The following POLR3B variants were observed in gnomAD, a reference collection of about 807,000 sequenced individuals.
POLR3B encodes the protein RNA polymerase III subunit B, also known as DNA-directed RNA polymerase III subunit RPC2.
A neutral mutation model predicts 147.4 loss-of-function variants in POLR3B; 96 were observed. The observed-to-expected ratio is 0.65, with a 90% confidence interval of 0.55 to 0.77. The LOEUF is 0.77. POLR3B is among the 30% of genes least tolerant of loss of function. The probability of loss-of-function intolerance (pLI) is 0.00; values close to 1 mark genes in which losing one functional copy is unlikely to be tolerated. For missense variants in POLR3B, 1,036 were observed against 1,413.5 expected, an observed-to-expected ratio of 0.73 and a Z score of 4.28; for synonymous variants, 461 against 485.9, an observed-to-expected ratio of 0.95 and a Z score of 0.67.
chr12:106,399,179 C>A lies in POLR3B; in HGVS notation c.846+6026C>A, dbSNP rs534505105. Among the ~76,000 whole-genome samples the A allele has an allele frequency of 4.6e-5, 7 of 152,180 alleles. No homozygotes were observed. The South Asian group carries it at 1.5e-3, about 32-fold the overall frequency. ...AAACCAAGGCACGAGAACTATGTGACGAATGCAGAAGCCTCAGTAGCCGAT... is the reference window on the plus strand; with the variant it reads ...AAACCAAGGCACGAGAACTATGTGAAGAATGCAGAAGCCTCAGTAGCCGAT... On this transcript the variant is annotated intron_variant, in intron 10 of 27. Coordinates refer to ENST00000228347, the MANE Select transcript of POLR3B (RefSeq NM_018082.6).
intron 25 of POLR3B, among the ~76,000 whole-genome samples, chr12:106,498,694 T>C (rs2038542536): frequency 6.6e-6 from 1 of 152,118 alleles, no homozygotes. Flanking sequence ...CAAGCAATTC[T>C]CCTGCCTCAG....
In POLR3B at chr12:106,402,654, A is replaced by G. The variant is rs1228074137; in HGVS notation, c.847-3203A>G. On this transcript the variant is annotated intron_variant, in intron 10 of 27. Transcript: ENST00000228347. ...GAACAGAGCCCTCAGAAATAATGCC[A>G]CATATCTACAACTATCTGATCTTTG... Among the ~76,000 whole-genome samples, 18 of 152,274 alleles carry G rather than the reference A, an allele frequency of 1.2e-4. No homozygotes were observed. In the East Asian group the frequency reaches 3.5e-3, roughly 29 times the overall value.
chr12:106,461,253 TC>T (rs2037930342), intron 22 of POLR3B, among the ~76,000 whole-genome samples: 1 of 151,782 alleles, frequency 6.6e-6, no homozygotes, highest in Admixed American at 6.6e-5. Flanking sequence ...ACCACCACAC[TC>T]AGCTAATTTT....
chr12:106,365,858 C>CA (rs35577793), intron 2 of POLR3B, among the ~76,000 whole-genome samples: 191 of 127,774 alleles, frequency 1.5e-3, no homozygotes, highest in Middle Eastern at 4.2e-3. Context: ...GACTCTGTCT[C>CA]AAAAAAAAAA....
intron 23 of POLR3B, among the ~76,000 whole-genome samples, chr12:106,471,901 G>A (rs1463769128): frequency 6.7e-6 from 1 of 150,174 alleles, no homozygotes; most frequent in Non-Finnish European, 1.5e-5. Context: ...TAGGGTACAT[G>A]TGCACATTGT....
At chr12:106,426,839 T>TCCCCCCCCC (rs67180409) in intron 12 of POLR3B, among the ~76,000 whole-genome samples, 8 of 25,318 alleles carry the variant, frequency 3.2e-4, no homozygotes, top group Non-Finnish European at 5.7e-4. Flanking sequence ...TTCTCCACCG[T>TCCCCCCCCC]CCCCCCCCCC....
intron 18 of POLR3B, among the ~76,000 whole-genome samples, chr12:106,440,090 A>G (rs765882863): frequency 2.0e-5 from 3 of 152,150 alleles, no homozygotes; most frequent in Non-Finnish European, 2.9e-5. Flanking sequence ...ATGTATCCTG[A>G]GTATAAAAGA....
intron 24 of POLR3B, 28 bp from the exon 25 acceptor site, chr12:106,496,724 G>C (rs376600823): frequency 6.2e-7 from 1 of 1,609,958 alleles, no homozygotes; most frequent in African/African-American, 1.3e-5. Flanking sequence ...ACAGGGAGGT[G>C]CTCACTTAAT....
At chr12:106,359,852 T>C (rs1403976550) in intron 1 of POLR3B, among the ~76,000 whole-genome samples, 4 of 152,210 alleles carry the variant, frequency 2.6e-5, no homozygotes, top group Non-Finnish European at 5.9e-5. Flanking sequence ...TTTGGACTCT[T>C]GTCAGTCTGA....
intron 18 of POLR3B, among the ~76,000 whole-genome samples, chr12:106,439,518 G>A (rs1044043875): frequency 2.0e-5 from 3 of 151,528 alleles, no homozygotes; most frequent in African/African-American, 4.8e-5. Flanking sequence ...GGTGATGTAC[G>A]CCTGTAGTCC....
intron 26 of POLR3B, among the ~76,000 whole-genome samples, chr12:106,502,934 T>C (rs2038625279): frequency 6.6e-6 from 1 of 152,204 alleles, no homozygotes; most frequent in South Asian, 2.1e-4. Context: ...AGTTATTACT[T>C]TGGTAACTTT....
intron 9 of POLR3B, among the ~76,000 whole-genome samples, chr12:106,384,298 C>G (rs1472680008): frequency 1.3e-5 from 2 of 152,166 alleles, no homozygotes; most frequent in Admixed American, 1.3e-4. Flanking sequence ...ATTCAGTGAA[C>G]AGTTAAATTG....
In POLR3B at chr12:106,393,126, G is replaced by C. The variant is rs747019905; in HGVS notation, c.819G>C (p.Gln273His). The change falls in exon 10 of 28, where the codon CAG becomes CAC. Residue 273 changes from glutamine (Q) to histidine (H), a missense_variant. Physicochemically the swap from Gln to His is conservative, Grantham distance 24 (BLOSUM62 0). Transcript: ENST00000228347. Reference sequence around the variant, plus strand: ...TTGGGCCCAGTCTGGAAGAGTGCCAGAAAGCTCAGATTTTCACACAGATGC... The same window carrying C: ...TTGGGCCCAGTCTGGAAGAGTGCCACAAAGCTCAGATTTTCACACAGATGC... ...AAFGPSLEEC[Q>H]KAQIFTQMQA... The C allele has an allele frequency of 6.2e-7, 1 of 1,614,218 alleles. No individual in the cohort carries two copies. The highest frequency in any genetic ancestry group is 8.5e-7 in the Non-Finnish European group (1 of 1,180,032).
chr12:106,462,536 G>A (rs745709993), intron 22 of POLR3B, among the ~76,000 whole-genome samples: 2 of 152,126 alleles, frequency 1.3e-5, no homozygotes, highest in African/African-American at 4.8e-5. Context: ...CACCGTGCCC[G>A]GCTGGGTGAT....
Position 106,433,870 on chromosome 12 carries a change from C to T in POLR3B, c.1779C>T (p.Cys593=). 6.2e-7 allele frequency: 1 copy of T among 1,612,242 alleles called. No individual in the cohort carries two copies. Among genetic ancestry groups the T allele is most frequent in the Non-Finnish European group, 8.5e-7 (1 of 1,178,490 alleles). The change falls in exon 16 of 28, where the codon TGC becomes TGT. Residue 593 remains cysteine, a splice_region_variant and synonymous_variant. Transcript: ENST00000228347. ...VYISSDGGRL[C]RPYIIVKKQK... is the part of the protein sequence containing the mutation. ...TTTCTTCTGATGGGGGAAGGCTATG[C>T]AGGTATATATGCAGGTTACTAAAAA...
At position 106,357,960 on chromosome 12, in the gene POLR3B, C is replaced by CA. The variant is rs1565870151; in HGVS notation, c.72+10dup. The CA allele has an allele frequency of 6.2e-7, 1 of 1,611,954 alleles. No homozygotes were observed. Among genetic ancestry groups the CA allele is most frequent in the South Asian group, 1.1e-5 (1 of 90,960 alleles). ...CGATCCCGACTGTAGAGGTCAGTGC[C>CA]AGGCACGCAGGGAGCGTCAGGGACA... On this transcript the variant is annotated intron_variant, in intron 1 of 27. Coordinates refer to ENST00000228347, the MANE Select transcript of POLR3B (RefSeq NM_018082.6).
chr12:106,490,865 T>C (rs542379157), intron 23 of POLR3B, among the ~76,000 whole-genome samples: 1 of 152,294 alleles, frequency 6.6e-6, no homozygotes, highest in South Asian at 2.1e-4. Flanking sequence ...TTTGGCCCCA[T>C]TTACCACCAT....
chr12:106,429,185 A>G lies in POLR3B; in HGVS notation c.1264-1088A>G, dbSNP rs537977193. On this transcript the variant is annotated intron_variant, in intron 13 of 27. Coordinates refer to ENST00000228347, the MANE Select transcript of POLR3B (RefSeq NM_018082.6). ...CTCTTTTTGCTTTTTTTTGGACAGC[A>G]TCTTACTTCGAGGCTGGAGTACAGT... Among the ~76,000 whole-genome samples the G allele has an allele frequency of 2.0e-5, 3 of 152,252 alleles. No homozygotes were observed. In the South Asian group the frequency reaches 6.2e-4, roughly 32 times the overall value.
chr12:106,424,610 G>T (rs10861602), intron 12 of POLR3B, among the ~76,000 whole-genome samples: 76 of 152,154 alleles, frequency 5.0e-4, no homozygotes, highest in African/African-American at 1.8e-3. Context: ...TGGGGTAAAT[G>T]CTTGCTAGAT....
Sources: gnomAD v4.1 joint callset for allele counts (sites outside exome capture counted in the v4.1 genomes callset) on GRCh38, gnomAD v4.1.1 for gene constraint, MANE v1.5 for transcripts, NCBI Gene and HGNC (gene_info 2026-07-23, HGNC 2026-07-21) for gene names.